The following ERI3 variants were observed in gnomAD, a reference collection of about 807,000 sequenced individuals.
ERI3 encodes ERI1 exoribonuclease family member 3.
ERI3 carries 18 observed loss-of-function variants against 44.4 expected under a neutral mutation model. The observed-to-expected ratio is 0.41, with a 90% CI of 0.28 to 0.60. ERI3 has a LOEUF of 0.60. Ranked by LOEUF, ERI3 falls within the 20% of genes least tolerant of loss-of-function variation. The probability of loss-of-function intolerance (pLI) is 0.36; values close to 1 mark genes in which losing one functional copy is unlikely to be tolerated. For missense variants in ERI3, 294 were observed against 435.5 expected (o/e 0.68, Z 2.89); for synonymous variants, 183 against 164.8 (o/e 1.11, Z -0.84).
chr1:44,263,475 C>T (rs1644932188), intron 7 of ERI3, among the ~76,000 whole-genome samples: 1 of 152,236 alleles, frequency 6.6e-6, no homozygotes. Flanking sequence ...CCTTCTTCCA[C>T]TAAGAGCCTG....
At chr1:44,236,134 T>G (rs1351244690) in intron 8 of ERI3, among the ~76,000 whole-genome samples, 4 of 152,184 alleles carry the variant, frequency 2.6e-5, no homozygotes, top group Admixed American at 1.3e-4. Context: ...TCATGAGGAC[T>G]AATGGGAACC....
intron 6 of ERI3, among the ~76,000 whole-genome samples, chr1:44,288,205 T>A (rs188766198): frequency 2.0e-5 from 3 of 152,112 alleles, no homozygotes; most frequent in Admixed American, 2.0e-4. Context: ...CAGTCCTGAG[T>A]GCCATTCTGA....
At chr1:44,223,144 C>A (rs1484311674) in intron 8 of ERI3, among the ~76,000 whole-genome samples, 1 of 152,182 alleles carries the variant, frequency 6.6e-6, no homozygotes, top group Non-Finnish European at 1.5e-5. Context: ...CTCAGGAAGC[C>A]ATACGGGCTG....
Position 44,355,158 on chromosome 1 carries a change from G to A in ERI3, c.-132C>T. The A allele has an allele frequency of 1.6e-6, 2 of 1,212,428 alleles. No homozygotes were observed. Among genetic ancestry groups the A allele is most frequent in the Non-Finnish European group, 2.1e-6 (2 of 973,360 alleles). The allele number at this position is 1,212,428 out of a possible 1,614,324, so 75.1% of individuals were successfully genotyped here. A position where few individuals can be genotyped will look rare whatever the true frequency, so the allele number is the denominator to read the frequency against. On this transcript the variant is annotated 5_prime_UTR_variant, in exon 1 of 9. Coordinates refer to ENST00000372257, the MANE Select transcript of ERI3 (RefSeq NM_024066.3). ...GCGGCCCGCGCCGACTGCGGCGCCG[G>A]CCAGGCAGAGGCAGGGCCAGCTCCG...
intron 8 of ERI3, among the ~76,000 whole-genome samples, chr1:44,230,651 G>A (rs1412285974): frequency 6.6e-6 from 1 of 152,216 alleles, no homozygotes; most frequent in East Asian, 1.9e-4. Context: ...AGACCCACGT[G>A]CCAGCAGACT....
chr1:44,233,788 T>C (rs1432038165), intron 8 of ERI3, among the ~76,000 whole-genome samples: 1 of 152,230 alleles, frequency 6.6e-6, no homozygotes, highest in African/African-American at 2.4e-5. Context: ...TAACTCCCTT[T>C]TCCATTGGCT....
intron 7 of ERI3, among the ~76,000 whole-genome samples, chr1:44,261,426 T>G (rs1213456474): frequency 6.6e-6 from 1 of 152,206 alleles, no homozygotes; most frequent in Non-Finnish European, 1.5e-5. Flanking sequence ...TCTCCCAGAT[T>G]AATAACATCT....
In ERI3 at chr1:44,339,120, G is replaced by T; in HGVS notation, c.414C>A (p.Phe138Leu). ...AAAAGTAGTGATACCTCTGGGGAGG[G>T]AAGGACACCATTGCCGCCATGGATG... ...FGASMAAMVS[F>L]PPQRYHYFLV... is the part of the protein sequence containing the mutation. The change falls in exon 3 of 9, where the codon TTC becomes TTA. Residue 138 changes from phenylalanine to leucine, a missense_variant. This residue lies in a region of ERI3 where 187 missense variants were observed against 338.6 expected (regional missense o/e 0.55). Coordinates refer to ENST00000372257, the MANE Select transcript of ERI3 (RefSeq NM_024066.3). The T allele has an allele frequency of 6.2e-7, 1 of 1,614,078 alleles. No individual in the cohort carries two copies. The highest frequency in any genetic ancestry group is 8.5e-7 in the Non-Finnish European group (1 of 1,180,008).
chr1:44,230,995 A>G (rs193190941), intron 8 of ERI3, among the ~76,000 whole-genome samples: 388 of 152,310 alleles, frequency 2.5e-3, no homozygotes, highest in Admixed American at 4.2e-3. Context: ...TTTTTTTCAG[A>G]TTGTGCAATA....
intron 7 of ERI3, among the ~76,000 whole-genome samples, chr1:44,280,176 T>C (rs1645258074): frequency 6.6e-6 from 1 of 152,250 alleles, no homozygotes; most frequent in Non-Finnish European, 1.5e-5. Context: ...ACCATATTTA[T>C]TGTGGTATTT....
Position 44,308,310 on chromosome 1 carries a change from A to G in ERI3, c.758T>C (p.Met253Thr). The G allele has an allele frequency of 6.2e-7, 1 of 1,611,516 alleles. No individual in the cohort carries two copies. Among genetic ancestry groups the G allele is most frequent in the South Asian group, 1.1e-5 (1 of 91,034 alleles). Reference sequence around the variant, plus strand: ...GCAAAGCAGCCCTTCTCATACTCACATGACTTTTAAGTCCCAGTCTCCACA... The same window carrying G: ...GCAAAGCAGCCCTTCTCATACTCACGTGACTTTTAAGTCCCAGTCTCCACA... ...VTCGDWDLKVMLPGQCQYLGL... is the reference protein window; with the variant it reads ...VTCGDWDLKVTLPGQCQYLGL... Residue 253 changes from methionine to threonine, a missense_variant and splice_region_variant, in exon 6 of 9, where the codon ATG becomes ACG. By Grantham distance (81) the Met-to-Thr change is moderately conservative. Around this residue, in one of 2 missense-constraint regions of ERI3, gnomAD observed 187 missense variants for 338.6 expected, o/e 0.55. Coordinates refer to ENST00000372257, the MANE Select transcript of ERI3 (RefSeq NM_024066.3).
intron 7 of ERI3, chr1:44,283,874 C>T (rs1234272814): frequency 7.4e-6 from 3 of 404,714 alleles, no homozygotes; most frequent in Non-Finnish European, 1.0e-5. Context: ...CTCTCCTCCT[C>T]CTATCCATAT....
intron 4 of ERI3, among the ~76,000 whole-genome samples, chr1:44,315,574 ATCC>A (rs1646071200): frequency 6.6e-6 from 1 of 152,216 alleles, no homozygotes; most frequent in African/African-American, 2.4e-5. Flanking sequence ...GTGCTCAGTG[ATCC>A]TAGAATCATC....
Position 44,241,837 on chromosome 1 carries a change from T to TACAC in ERI3, c.931+6101_931+6102insGTGT, listed in dbSNP as rs1381087735. On this transcript the variant is annotated intron_variant, in intron 8 of 8. Transcript: ENST00000372257. The surrounding 1 kb of genome is among the most constrained non-coding windows in gnomAD (Gnocchi z 5.6). The stretch of plus-strand genomic sequence containing the variant: ...ATACATACATACATACATACATACA[T>TACAC]ACATACATACATACAGGAGAACCTT... 1.6e-5 allele frequency: 6 copies of TACAC among 365,128 alleles called. No homozygotes were observed. The highest frequency in any genetic ancestry group is 6.5e-5 in the Admixed American group (1 of 15,480). 22.6% of individuals were successfully genotyped at this position (365,128 alleles called of 1,614,324 possible). A position where few individuals can be genotyped will look rare whatever the true frequency, so the allele number is the denominator to read the frequency against.
intron 7 of ERI3, among the ~76,000 whole-genome samples, chr1:44,263,417 A>G (rs929014525): frequency 6.6e-6 from 1 of 152,224 alleles, no homozygotes; most frequent in African/African-American, 2.4e-5. Context: ...ACTGCCTCTC[A>G]GCCCAAGGTC....
intron 7 of ERI3, among the ~76,000 whole-genome samples, chr1:44,254,611 T>C (rs1484733782): frequency 1.3e-5 from 2 of 152,130 alleles, no homozygotes; most frequent in Admixed American, 6.6e-5. Flanking sequence ...GTCATTCTTA[T>C]ATACAGAAAG....
At chr1:44,242,765 C>T (rs1319909137) in intron 8 of ERI3, among the ~76,000 whole-genome samples, 1 of 152,172 alleles carries the variant, frequency 6.6e-6, no homozygotes, top group Non-Finnish European at 1.5e-5. Context: ...AAGACGGGGG[C>T]TGGCGTTTGG....
At position 44,355,152 on chromosome 1, in the gene ERI3, G is replaced by A. The variant is rs1343496654; in HGVS notation, c.-126C>T. The A allele has an allele frequency of 3.0e-5, 36 of 1,216,590 alleles. No individual in the cohort carries two copies. Among genetic ancestry groups the A allele is most frequent in the Admixed American group, 8.7e-5 (2 of 22,930 alleles). The allele number at this position is 1,216,590 out of a possible 1,614,324, so 75.4% of individuals were successfully genotyped here. The stretch of plus-strand genomic sequence containing the variant: ...GCGGGCGCGGCCCGCGCCGACTGCG[G>A]CGCCGGCCAGGCAGAGGCAGGGCCA... On this transcript the variant is annotated 5_prime_UTR_variant, in exon 1 of 9. Transcript: ENST00000372257.
intron 7 of ERI3, among the ~76,000 whole-genome samples, chr1:44,259,920 T>TAGATAGAG (rs778936296): frequency 2.3e-5 from 3 of 129,742 alleles, no homozygotes; most frequent in African/African-American, 2.9e-5. Context: ...GATAGATAGA[T>TAGATAGAG]AGACAGACAG....
Sources: allele counts gnomAD v4.1 joint callset (sites outside exome capture counted in the v4.1 genomes callset), GRCh38; gene constraint gnomAD v4.1.1; regional missense constraint gnomAD v4.1.1; non-coding constraint Gnocchi (gnomAD v3.1); transcripts MANE v1.5; gene names NCBI Gene and HGNC (gene_info 2026-07-23, HGNC 2026-07-21).